The following APBB2 variants were observed in gnomAD, a reference collection of about 807,000 sequenced individuals.
APBB2 encodes the protein Fe65-like 1.
Under a neutral mutation model 82.5 loss-of-function variants are expected in APBB2, and 38 were observed. The ratio of observed to expected loss-of-function variants is 0.46; its 90% CI spans 0.36 to 0.60. The LOEUF is 0.60. Among genes scored for constraint, APBB2 ranks in the 20% least tolerant of loss-of-function variants. The pLI is 0.00. For synonymous variants in APBB2, 341 were observed against 368.2 expected, an observed-to-expected ratio of 0.93 and a Z score of 0.85; for missense variants, 772 against 972.3, an observed-to-expected ratio of 0.79 and a Z score of 2.74.
rs78869853 is a variant in APBB2 at position 40,945,251 on chromosome 4, A to T, written c.836-178T>A. 0.069 allele frequency among the ~76,000 whole-genome samples: 10,451 copies of T among 152,294 alleles called. 411 individuals are homozygous for T. The highest frequency in any genetic ancestry group is 0.11 in the Middle Eastern group (33 of 294). On this transcript the variant is annotated intron_variant, in intron 6 of 17. Coordinates refer to ENST00000508593, the MANE Select transcript of APBB2 (RefSeq NM_004307.2). Reference sequence around the variant, plus strand: ...TGTGTGTGGCTGTACTTGGTAAAACAGGTAATATGGAAACAAGTATAAGAA... The same window carrying T: ...TGTGTGTGGCTGTACTTGGTAAAACTGGTAATATGGAAACAAGTATAAGAA...
chr4:40,858,451 TC>T lies in APBB2; in HGVS notation c.1530-27875del, dbSNP rs1481322185. Among the ~76,000 whole-genome samples, 71 of 53,268 alleles carry T rather than the reference TC, an allele frequency of 1.3e-3. 1 individual carries two copies. Among genetic ancestry groups the T allele is most frequent in the African/African-American group, 6.3e-3 (65 of 10,400 alleles). 34.9% of individuals were successfully genotyped at this position (53,268 alleles called of 152,430 possible). A position where few individuals can be genotyped will look rare whatever the true frequency, so the allele number is the denominator to read the frequency against. The stretch of plus-strand genomic sequence containing the variant: ...GCCTGAGTGACAGAGTGAGAGTCCG[TC>T]TCAAAAAAAAAAAAAAAAAAAAAAA... On this transcript the variant is annotated intron_variant, in intron 12 of 17. Transcript: ENST00000508593.
At chr4:40,834,172 A>C (rs1753043631) in intron 12 of APBB2, among the ~76,000 whole-genome samples, 1 of 151,824 alleles carries the variant, frequency 6.6e-6, no homozygotes, top group Admixed American at 6.6e-5. Context: ...CTAATAGATT[A>C]GGGAGGCAGC....
At chr4:41,139,798 G>T (rs1758579837) in intron 2 of APBB2, among the ~76,000 whole-genome samples, 1 of 152,148 alleles carries the variant, frequency 6.6e-6, no homozygotes, top group African/African-American at 2.4e-5. Flanking sequence ...TTCTTTTAGG[G>T]CAGTGAAACT....
At chr4:40,913,898 G>A (rs949677587) in intron 10 of APBB2, among the ~76,000 whole-genome samples, 3 of 152,098 alleles carry the variant, frequency 2.0e-5, no homozygotes, top group African/African-American at 4.8e-5. Context: ...GTGAGTTATG[G>A]TGCTGGTGGC....
intron 2 of APBB2, among the ~76,000 whole-genome samples, chr4:41,142,646 A>C (rs1759583969): frequency 6.6e-6 from 1 of 152,194 alleles, no homozygotes; most frequent in Non-Finnish European, 1.5e-5. Context: ...CTTTCTCCCC[A>C]AAATAAAGCC....
chr4:41,211,942 C>T (rs930562128), intron 1 of APBB2, among the ~76,000 whole-genome samples: 1 of 152,120 alleles, frequency 6.6e-6, no homozygotes, highest in African/African-American at 2.4e-5. Flanking sequence ...ATGCACAGAT[C>T]AACCCATCAC....
intron 6 of APBB2, among the ~76,000 whole-genome samples, chr4:41,013,109 T>C (rs1017977324): frequency 2.6e-5 from 4 of 152,298 alleles, no homozygotes; most frequent in African/African-American, 7.2e-5. Flanking sequence ...AATGAACAGA[T>C]GGCTAATGTT....
At chr4:40,845,060 T>C (rs1266737388) in intron 12 of APBB2, among the ~76,000 whole-genome samples, 2 of 152,244 alleles carry the variant, frequency 1.3e-5, no homozygotes, top group Non-Finnish European at 2.9e-5. Context: ...TACTGTGTTT[T>C]TCCCTGAAAG....
At chr4:40,931,388 G>C (rs529470757) in intron 10 of APBB2, among the ~76,000 whole-genome samples, 59 of 152,046 alleles carry the variant, frequency 3.9e-4, no homozygotes, top group Non-Finnish European at 6.3e-4. Flanking sequence ...CTCCCACCTC[G>C]GTCTCCCAGG....
chr4:41,163,053 C>A (rs771182019), intron 1 of APBB2, among the ~76,000 whole-genome samples: 1 of 152,124 alleles, frequency 6.6e-6, no homozygotes, highest in Non-Finnish European at 1.5e-5. Flanking sequence ...TAAGAGGACT[C>A]TAGAAGAATT....
At chr4:41,048,853 T>C (rs1474319144) in intron 4 of APBB2, among the ~76,000 whole-genome samples, 5 of 152,194 alleles carry the variant, frequency 3.3e-5, no homozygotes, top group Admixed American at 2.6e-4. Flanking sequence ...TCGTATTTTT[T>C]TGGTGGAGAC....
chr4:40,840,401 G>A (rs1468163838), intron 12 of APBB2, among the ~76,000 whole-genome samples: 2 of 152,138 alleles, frequency 1.3e-5, no homozygotes, highest in Admixed American at 6.5e-5. Context: ...GAGAGTGGGA[G>A]GAATCAGGAA....
chr4:41,039,452 G>T (rs1198979754), intron 4 of APBB2, among the ~76,000 whole-genome samples: 1 of 152,172 alleles, frequency 6.6e-6, no homozygotes, highest in Non-Finnish European at 1.5e-5. Context: ...CAACTGTCTT[G>T]TTGGACTGTA....
chr4:40,880,061 T>A (rs753787665), intron 12 of APBB2: 8 of 985,438 alleles, frequency 8.1e-6, no homozygotes, highest in African/African-American at 1.7e-5. Flanking sequence ...GCGATGGCAC[T>A]TATGACCCTT....
Position 41,212,391 on chromosome 4 carries a change from G to A in APBB2, c.-417+2014C>T, listed in dbSNP as rs146687092. Among the ~76,000 whole-genome samples the A allele has an allele frequency of 4.9e-3, 740 of 152,244 alleles. 2 individuals carry two copies. Among genetic ancestry groups the A allele is most frequent in the African/African-American group, 0.017 (692 of 41,532 alleles). On this transcript the variant is annotated intron_variant, in intron 1 of 17. Coordinates refer to ENST00000508593, the MANE Select transcript of APBB2 (RefSeq NM_004307.2). The stretch of plus-strand genomic sequence containing the variant: ...ATCTCACTCTGTTGCCCAGGCTGGA[G>A]TGCAGTGGCGTGATCATAGCTCACT...
At chr4:41,122,235 A>G (rs1419749193) in intron 2 of APBB2, among the ~76,000 whole-genome samples, 1 of 152,198 alleles carries the variant, frequency 6.6e-6, no homozygotes, top group African/African-American at 2.4e-5. Flanking sequence ...TGTTTTTAAT[A>G]TATGTTAATC....
chr4:40,905,896 C>T (rs535096309), intron 10 of APBB2, among the ~76,000 whole-genome samples: 13 of 152,256 alleles, frequency 8.5e-5, no homozygotes, highest in Admixed American at 7.2e-4. Flanking sequence ...AGACACCTTC[C>T]TGACCCCTTG....
chr4:40,858,471 A>AAAAAAAAAAAAAAAAAAAC (rs1761998516), intron 12 of APBB2, among the ~76,000 whole-genome samples: 1 of 151,146 alleles, frequency 6.6e-6, no homozygotes, highest in Non-Finnish European at 1.5e-5. Context: ...AAAAAAAAAA[A>AAAAAAAAAAAAAAAAAAAC]AAAAAAAGAG....
At chr4:41,121,127 T>C (rs1160103186) in intron 2 of APBB2, among the ~76,000 whole-genome samples, 1 of 152,244 alleles carries the variant, frequency 6.6e-6, no homozygotes, top group East Asian at 1.9e-4. Flanking sequence ...AATGCTTGCT[T>C]TGTTTGTAAC....
Sources: allele counts gnomAD v4.1 joint callset (sites outside exome capture counted in the v4.1 genomes callset), GRCh38; gene constraint gnomAD v4.1.1; transcripts MANE v1.5; gene names NCBI Gene and HGNC (gene_info 2026-07-23, HGNC 2026-07-21).